Variants in RANBP17 observed in about 807,000 individuals in gnomAD.
The protein encoded by RANBP17 is ran-binding protein 17.
A neutral mutation model predicts 141.2 loss-of-function variants in RANBP17; 158 were observed. The ratio of observed to expected loss-of-function variants is 1.12; its 90% confidence interval spans 0.98 to 1.28. The LOEUF is 1.28. RANBP17 is among the 50% of genes most tolerant of loss of function. The pLI, the probability that RANBP17 is intolerant of heterozygous loss-of-function variation, is 0.00. For missense variants in RANBP17, 1,438 were observed against 1,290.7 expected (o/e 1.11, Z -1.75); for synonymous variants, 430 against 450.0 (o/e 0.96, Z 0.56).
chr5:171,265,061 C>T (rs1455578358), intron 24 of RANBP17, among the ~76,000 whole-genome samples: 2 of 152,178 alleles, frequency 1.3e-5, no homozygotes, highest in African/African-American at 4.8e-5. Flanking sequence ...GGTTAGACCA[C>T]TGTTTCCTGT....
intron 18 of RANBP17, among the ~76,000 whole-genome samples, chr5:171,198,744 C>T (rs1762125859): frequency 6.6e-6 from 1 of 152,170 alleles, no homozygotes; most frequent in Non-Finnish European, 1.5e-5. Context: ...TATTGAAAAA[C>T]TCTACTGTTA....
chr5:171,017,494 C>T (rs1335086041), intron 14 of RANBP17, among the ~76,000 whole-genome samples: 1 of 152,172 alleles, frequency 6.6e-6, no homozygotes, highest in African/African-American at 2.4e-5. Flanking sequence ...GTGCATTTCT[C>T]TGATGATCAG....
chr5:171,192,854 G>A (rs913261800), intron 18 of RANBP17, among the ~76,000 whole-genome samples: 20 of 152,162 alleles, frequency 1.3e-4, no homozygotes, highest in Non-Finnish European at 1.0e-4. Flanking sequence ...TGACCTGCCT[G>A]AAGCCACAGG....
intron 22 of RANBP17, among the ~76,000 whole-genome samples, chr5:171,226,437 G>A (rs1015786084): frequency 6.6e-6 from 1 of 152,180 alleles, no homozygotes; most frequent in Non-Finnish European, 1.5e-5. Flanking sequence ...TTTAAAAATG[G>A]ATAGTACAAG....
chr5:171,228,779 T>C (rs910771371), intron 22 of RANBP17, among the ~76,000 whole-genome samples: 6 of 152,182 alleles, frequency 3.9e-5, no homozygotes, highest in African/African-American at 1.4e-4. Flanking sequence ...AGGAAAACGA[T>C]TACAACTCAC....
intron 2 of RANBP17, among the ~76,000 whole-genome samples, chr5:170,878,919 A>G (rs1581035339): frequency 6.6e-6 from 1 of 152,204 alleles, no homozygotes; most frequent in African/African-American, 2.4e-5. Flanking sequence ...TTGTAAGAAC[A>G]TCTATAGAAA....
intron 14 of RANBP17, among the ~76,000 whole-genome samples, chr5:171,113,883 A>G (rs1312635728): frequency 6.6e-6 from 1 of 152,204 alleles, no homozygotes; most frequent in East Asian, 1.9e-4. Flanking sequence ...TAGAAGCTCT[A>G]TGTCATTATA....
chr5:171,289,472 A>AGAGTGGCTCACTCC (rs1162412748), intron 25 of RANBP17, among the ~76,000 whole-genome samples: 1 of 152,204 alleles, frequency 6.6e-6, no homozygotes, highest in Non-Finnish European at 1.5e-5. Context: ...TCGGCCAGGC[A>AGAGTGGCTCACTCC]CAGTGGCTCA....
chr5:171,270,221 T>A (rs1767003662), intron 25 of RANBP17, among the ~76,000 whole-genome samples: 1 of 152,220 alleles, frequency 6.6e-6, no homozygotes, highest in Non-Finnish European at 1.5e-5. Context: ...GCTTCAAAAT[T>A]TTTAAAAATG....
intron 24 of RANBP17, 45 bp downstream of exon 24, chr5:171,242,865 A>G (rs1764978373): frequency 3.8e-6 from 6 of 1,569,168 alleles, no homozygotes; most frequent in Non-Finnish European, 5.3e-6. Flanking sequence ...AAACTTGATT[A>G]TGGGCTTTTA....
chr5:171,029,515 G>A (rs1178668819), intron 14 of RANBP17, among the ~76,000 whole-genome samples: 1 of 152,106 alleles, frequency 6.6e-6, no homozygotes, highest in African/African-American at 2.4e-5. Flanking sequence ...GGAGGTCTTT[G>A]TTGGCTTGCC....
At chr5:171,235,147 A>G (rs1764458083) in intron 22 of RANBP17, among the ~76,000 whole-genome samples, 1 of 152,162 alleles carries the variant, frequency 6.6e-6, no homozygotes, top group Non-Finnish European at 1.5e-5. Context: ...CAATCAAGTA[A>G]GATGAAGGCT....
At chr5:170,946,451 A>G (rs1774768916) in intron 12 of RANBP17, among the ~76,000 whole-genome samples, 1 of 152,122 alleles carries the variant, frequency 6.6e-6, no homozygotes, top group Non-Finnish European at 1.5e-5. Context: ...TCCTACACAC[A>G]ATTGGAGCAT....
intron 16 of RANBP17, among the ~76,000 whole-genome samples, chr5:171,173,809 G>A (rs1478486672): frequency 6.6e-6 from 1 of 152,140 alleles, no homozygotes; most frequent in African/African-American, 2.4e-5. Context: ...GTTTTCACAA[G>A]CCTCATGTTA....
At chr5:171,048,837 T>C (rs1782765069) in intron 14 of RANBP17, among the ~76,000 whole-genome samples, 2 of 152,224 alleles carry the variant, frequency 1.3e-5, no homozygotes, top group African/African-American at 4.8e-5. Flanking sequence ...TGCATAGTAG[T>C]GCACAGTGTG....
At chr5:171,174,833 G>A (rs1306519355) in intron 16 of RANBP17, among the ~76,000 whole-genome samples, 1 of 149,990 alleles carries the variant, frequency 6.7e-6, no homozygotes, top group Non-Finnish European at 1.5e-5. Context: ...TAAGTTCTGG[G>A]ATACATGTGC....
At chr5:170,965,245 G>GGT (rs1776461948) in intron 13 of RANBP17, among the ~76,000 whole-genome samples, 1 of 147,482 alleles carries the variant, frequency 6.8e-6, no homozygotes, top group African/African-American at 2.5e-5. Context: ...TGATGGGGTT[G>GGT]TTTTTTTTTT....
At chr5:170,956,375 C>T (rs1367619465) in intron 13 of RANBP17, among the ~76,000 whole-genome samples, 2 of 151,810 alleles carry the variant, frequency 1.3e-5, no homozygotes, top group African/African-American at 4.8e-5. Flanking sequence ...CATTTTGTTC[C>T]ATTTCCTTTT....
chr5:171,165,728 G>A (rs41365647), intron 14 of RANBP17, among the ~76,000 whole-genome samples: 12,486 of 152,156 alleles, frequency 0.082, 766 homozygotes, highest in African/African-American at 0.17. Flanking sequence ...TGGAGGAAAC[G>A]TATTCGTGTG....
Sources: gnomAD v4.1 joint callset for allele counts (sites outside exome capture counted in the v4.1 genomes callset) on GRCh38, gnomAD v4.1.1 for gene constraint, MANE v1.5 for transcripts, NCBI Gene and HGNC (gene_info 2026-07-23, HGNC 2026-07-21) for gene names.